Variants in NPIPB11 observed in about 807,000 individuals in gnomAD.
NPIPB11 encodes nuclear pore complex interacting protein family member B11, also known as nuclear pore complex-interacting protein family member B11.
NPIPB11 carries 17 observed loss-of-function variants against 32.8 expected under a neutral mutation model. The observed-to-expected ratio is 0.52, with a 90% CI of 0.35 to 0.78. The LOEUF (loss-of-function observed/expected upper bound fraction) is 0.78. Among genes scored for constraint, NPIPB11 ranks in the 30% least tolerant of loss-of-function variants. NPIPB11 has a pLI of 0.01. For missense variants in NPIPB11, 537 were observed against 1,000.4 expected (o/e 0.54, Z 6.25); for synonymous variants, 209 against 398.4 (o/e 0.52, Z 5.66).
intron 2 of NPIPB11, among the ~76,000 whole-genome samples, chr16:29,399,676 A>T (rs4017101): frequency 6.0e-5 from 9 of 151,198 alleles, no homozygotes; most frequent in Non-Finnish European, 1.2e-4. Flanking sequence ...CCAGCCTAGG[A>T]GACAGAGCGA....
exon 8 of NPIPB11, chr16:29,382,246 T>C: frequency 6.3e-7 from 1 of 1,597,488 alleles, no homozygotes; most frequent in East Asian, 2.3e-5. Flanking sequence ...GTCTTGAGAT[T>C]ATCATCCGCT....
At position 29,391,154 on chromosome 16, in the gene NPIPB11, CT is replaced by C. The variant is rs1397552657; in HGVS notation, c.250-807del. ...TGGTGATGCACGCCTGTAGTCCCAGCTACTCGGGAGGCTGAGGCAGGAGAAC... is the reference window on the plus strand; with the variant it reads ...TGGTGATGCACGCCTGTAGTCCCAGCACTCGGGAGGCTGAGGCAGGAGAAC... On this transcript the variant is annotated intron_variant, in intron 3 of 7. Transcript: ENST00000524087. 2.9e-5 allele frequency among the ~76,000 whole-genome samples: 4 copies of C among 136,868 alleles called. No homozygotes were observed. The Admixed American group carries it at 3.0e-4, about 10-fold the overall frequency. The allele number at this position is 136,868 out of a possible 152,430, so 89.8% of individuals were successfully genotyped here.
Position 29,390,100 on chromosome 16 carries a change from A to T in NPIPB11, c.386T>A (p.Val129Asp), listed in dbSNP as rs991662138. Residue 129 changes from valine (V) to aspartate (D), a missense_variant, in exon 5 of 8, where the codon GTT becomes GAT. Physicochemically the swap from Val to Asp is radical, Grantham distance 152. Coordinates refer to ENST00000524087, the Ensembl canonical transcript of NPIPB11. ...AATTTTATTTCCTCGAAAGGAAGAA[A>T]CTCTTTTCTTTGTGTGCATACAAAT... is the stretch of plus-strand genomic sequence containing the variant. 5 of 1,236,010 alleles carry T rather than the reference A, an allele frequency of 4.0e-6. No individual in the cohort carries two copies. In the African/African-American group the frequency reaches 7.6e-5, roughly 19 times the overall value. 76.6% of individuals were successfully genotyped at this position (1,236,010 alleles called of 1,614,324 possible). A position where few individuals can be genotyped will look rare whatever the true frequency, so the allele number is the denominator to read the frequency against.
At chr16:29,397,189 C>T (rs1392392148) in intron 2 of NPIPB11, among the ~76,000 whole-genome samples, 1 of 149,560 alleles carries the variant, frequency 6.7e-6, no homozygotes, top group East Asian at 2.0e-4. Context: ...AAAAAGTCAT[C>T]AAACCAGATG....
chr16:29,399,432 T>C (rs1256147492), intron 2 of NPIPB11, among the ~76,000 whole-genome samples: 1 of 149,988 alleles, frequency 6.7e-6, no homozygotes, highest in Non-Finnish European at 1.5e-5. Context: ...CTGGGTGTGG[T>C]GGCTCACGCC....
chr16:29,398,865 A>G (rs1202934256), intron 2 of NPIPB11, among the ~76,000 whole-genome samples: 1 of 152,068 alleles, frequency 6.6e-6, no homozygotes, highest in Admixed American at 6.6e-5. Flanking sequence ...ACCCACCTAG[A>G]CATTTTAACA....
chr16:29,390,822 GCA>G (rs924470487), intron 3 of NPIPB11, among the ~76,000 whole-genome samples: 7 of 151,722 alleles, frequency 4.6e-5, no homozygotes, highest in African/African-American at 1.7e-4. Context: ...AATTAGCCAG[GCA>G]TGGTGGTGCA....
At position 29,390,360 on chromosome 16, in the gene NPIPB11, T is replaced by C. The variant is rs1399070936; in HGVS notation, c.250-12A>G. The stretch of plus-strand genomic sequence containing the variant: ...TTCAGGAGAGACACCTAGGAAATAA[T>C]AATATAAGAATGACGGCTGGGCACG... On this transcript the variant is annotated splice_polypyrimidine_tract_variant and intron_variant, in intron 3 of 7. Coordinates refer to ENST00000524087, the Ensembl canonical transcript of NPIPB11. 16 of 1,319,686 alleles carry C rather than the reference T, an allele frequency of 1.2e-5. No homozygotes were observed. Among genetic ancestry groups the C allele is most frequent in the Non-Finnish European group, 1.6e-5 (15 of 931,638 alleles). 81.7% of individuals were successfully genotyped at this position (1,319,686 alleles called of 1,614,324 possible). A position where few individuals can be genotyped will look rare whatever the true frequency, so the allele number is the denominator to read the frequency against.
Position 29,397,153 on chromosome 16 carries a change from AGAGT to A in NPIPB11, c.121-3081_121-3078del, listed in dbSNP as rs1483311609. On this transcript the variant is annotated intron_variant, in intron 2 of 7. Coordinates refer to ENST00000524087, the Ensembl canonical transcript of NPIPB11. ...GCCACTGCACTCCAGCCTGGGCGAC[AGAGT>A]GAGACTCTGTCTAAAAAAAAAAAAA... 6.6e-5 allele frequency among the ~76,000 whole-genome samples: 9 copies of A among 135,528 alleles called. No homozygotes were observed. The East Asian group carries it at 1.8e-3, about 28-fold the overall frequency. 88.9% of individuals were successfully genotyped at this position (135,528 alleles called of 152,430 possible). A position where few individuals can be genotyped will look rare whatever the true frequency, so the allele number is the denominator to read the frequency against.
At chr16:29,391,150 C>T (rs1963712694) in intron 3 of NPIPB11, among the ~76,000 whole-genome samples, 1 of 138,572 alleles carries the variant, frequency 7.2e-6, no homozygotes, top group Admixed American at 7.3e-5. Flanking sequence ...GCCTGTAGTC[C>T]CAGCTACTCG....
chr16:29,406,354 A>G (rs1964113994), upstream of NPIPB11, among the ~76,000 whole-genome samples: 2 of 152,292 alleles, frequency 1.3e-5, no homozygotes, highest in South Asian at 4.1e-4. Context: ...GCATACATTT[A>G]TACAAATTTA....
At chr16:29,405,811 ATGTG>A (rs1355128072), upstream of NPIPB11, among the ~76,000 whole-genome samples, 1 of 151,010 alleles carries the variant, frequency 6.6e-6, no homozygotes, top group East Asian at 2.0e-4. Flanking sequence ...TGGCATTCTC[ATGTG>A]TAATCAGGTG....
chr16:29,390,503 A>C (rs1352223022), intron 3 of NPIPB11, among the ~76,000 whole-genome samples, 155 bp from the exon 4 acceptor site: 11 of 151,816 alleles, frequency 7.2e-5, no homozygotes, highest in Admixed American at 6.6e-4. Flanking sequence ...AAATACAAAA[A>C]TTAGCCGGGC....
chr16:29,397,734 C>G (rs1469005731), intron 2 of NPIPB11: 27 of 272,954 alleles, frequency 9.9e-5, no homozygotes, highest in Non-Finnish European at 1.7e-4. Context: ...GGACCGGGCC[C>G]GGATCTGAGT....
intron 2 of NPIPB11, among the ~76,000 whole-genome samples, chr16:29,400,733 AG>A (rs1198322225): frequency 6.6e-6 from 1 of 152,062 alleles, no homozygotes; most frequent in Non-Finnish European, 1.5e-5. Flanking sequence ...CTGGGTCCCC[AG>A]GGGGCAGGTC....
intron 2 of NPIPB11, among the ~76,000 whole-genome samples, chr16:29,395,932 T>A (rs879391951): frequency 6.7e-6 from 1 of 148,626 alleles, no homozygotes; most frequent in Non-Finnish European, 1.5e-5. Context: ...GAGCCGAGAT[T>A]GCACCACTGC....
At chr16:29,391,640 TTTC>T (rs1963725234) in intron 3 of NPIPB11, among the ~76,000 whole-genome samples, 1 of 152,138 alleles carries the variant, frequency 6.6e-6, no homozygotes. Flanking sequence ...ACATTAAATA[TTTC>T]TTCTCATCAT....
intron 2 of NPIPB11, among the ~76,000 whole-genome samples, chr16:29,403,013 T>C (rs1964034005): frequency 6.6e-6 from 1 of 151,232 alleles, no homozygotes; most frequent in Admixed American, 6.6e-5. Flanking sequence ...GTATTTATTA[T>C]GAGTCATGTT....
chr16:29,393,831 T>G (rs1481027176), intron 3 of NPIPB11, 117 bp downstream of exon 3: 3 of 1,242,258 alleles, frequency 2.4e-6, no homozygotes, highest in African/African-American at 3.0e-5. Flanking sequence ...ATCATTTCCC[T>G]GATTTTTTGG....
Sources: gnomAD v4.1 joint callset for allele counts (sites outside exome capture counted in the v4.1 genomes callset) on GRCh38, gnomAD v4.1.1 for gene constraint, MANE v1.5 for transcripts, NCBI Gene and HGNC (gene_info 2026-07-23, HGNC 2026-07-21) for gene names.